Variants in AFAP1L2 observed in about 807,000 individuals in gnomAD.
The protein encoded by AFAP1L2 is actin filament associated protein 1 like 2, also known as actin filament-associated protein 1-like 2.
A neutral mutation model predicts 99.3 loss-of-function variants in AFAP1L2; 46 were observed. That is an observed-to-expected ratio of 0.46 (90% CI 0.37 to 0.59). The LOEUF is 0.59. Ranked by LOEUF, AFAP1L2 falls within the 20% of genes least tolerant of loss-of-function variation. The pLI is 0.00. For missense variants in AFAP1L2, 959 were observed against 1,034.9 expected (o/e 0.93, Z 1.01); for synonymous variants, 397 against 419.1 (o/e 0.95, Z 0.64).
At chr10:114,334,542 C>T (rs1371531823) in intron 2 of AFAP1L2, among the ~76,000 whole-genome samples, 5 of 152,156 alleles carry the variant, frequency 3.3e-5, no homozygotes, top group South Asian at 2.1e-4. Flanking sequence ...AGCAGGGACC[C>T]GAGAGCCAAG....
At chr10:114,308,605 C>A (rs2042766736) in intron 8 of AFAP1L2, 88 bp from the exon 9 acceptor site, 1 of 1,228,928 alleles carries the variant, frequency 8.1e-7, no homozygotes, top group Non-Finnish European at 1.2e-6. Context: ...ATAGATGGCT[C>A]TTGGTTGTAT....
the AFAP1L2 span, chr10:114,286,358 C>A: frequency 1.9e-6 from 3 of 1,613,762 alleles, no homozygotes; most frequent in Non-Finnish European, 2.5e-6. Context: ...GGCGCGAGAG[C>A]TGCTCCTGCT....
At chr10:114,363,242 A>T (rs2052700465) in intron 1 of AFAP1L2, 1 of 928,602 alleles carries the variant, frequency 1.1e-6, no homozygotes, top group Non-Finnish European at 1.3e-6. Flanking sequence ...CATCTCTTGG[A>T]TGGTCCTTGA....
the AFAP1L2 span, chr10:114,282,553 T>C: frequency 1.2e-6 from 2 of 1,614,098 alleles, no homozygotes; most frequent in Admixed American, 1.7e-5. Flanking sequence ...TGCCACCTGC[T>C]ACAGGACCAC....
intron 1 of AFAP1L2, among the ~76,000 whole-genome samples, chr10:114,396,241 A>G (rs2057705751): frequency 6.6e-6 from 1 of 152,180 alleles, no homozygotes; most frequent in Non-Finnish European, 1.5e-5. Flanking sequence ...CCAGCTTCCC[A>G]GGGTACAGAG....
intron 1 of AFAP1L2, among the ~76,000 whole-genome samples, chr10:114,385,127 T>G (rs1280980197): frequency 6.6e-6 from 1 of 150,740 alleles, no homozygotes; most frequent in Non-Finnish European, 1.5e-5. Context: ...ATCGGGAAGG[T>G]GAAGGGATGG....
Position 114,300,299 on chromosome 10 carries a change from C to T in AFAP1L2, c.1852G>A (p.Glu618Lys), listed in dbSNP as rs746522321. The T allele has an allele frequency of 6.2e-7, 1 of 1,614,046 alleles. No homozygotes were observed. The highest frequency in any genetic ancestry group is 1.3e-5 in the African/African-American group (1 of 74,924). Residue 618 changes from glutamate (E) to lysine (K), a missense_variant, in exon 15 of 19, where the codon GAA becomes AAA. Coordinates refer to ENST00000304129, the MANE Select transcript of AFAP1L2 (RefSeq NM_001001936.3). ...GGTGGGAAGGAGATTCTCTGCTGTT[C>T]CGTCTGGATTTTGACGGTGGTGATT... ...LRITTVKIQTEQQRISFPPSC... is the reference protein window; with the variant it reads ...LRITTVKIQTKQQRISFPPSC...
intron 1 of AFAP1L2, among the ~76,000 whole-genome samples, chr10:114,355,560 A>AG (rs1554933416): frequency 9.2e-5 from 14 of 151,854 alleles, no homozygotes; most frequent in Admixed American, 1.3e-4. Context: ...AAAAAAAAAA[A>AG]GTTTTGCTGA....
At position 114,313,886 on chromosome 10, in the gene AFAP1L2, A is replaced by T. The variant is rs1484187530; in HGVS notation, c.777T>A (p.Ala259=). 6.2e-7 allele frequency: 1 copy of T among 1,610,518 alleles called. No homozygotes were observed. The highest frequency in any genetic ancestry group is 1.3e-5 in the African/African-American group (1 of 74,902). Residue 259 remains alanine, a synonymous_variant, in exon 7 of 19, where the codon GCT becomes GCA. Transcript: ENST00000304129. Reference sequence around the variant, plus strand: ...TCGCCCTCACCCTGAGCCACTGCTCAGCCTGGTCCTTGCTCTGCAGGCCCA... The same window carrying T: ...TCGCCCTCACCCTGAGCCACTGCTCTGCCTGGTCCTTGCTCTGCAGGCCCA... The part of the protein sequence containing the change: ...IVLGLQSKDQ[A]EQWLRVIQEV...
At chr10:114,382,839 C>T (rs2055878982) in intron 1 of AFAP1L2, among the ~76,000 whole-genome samples, 1 of 152,090 alleles carries the variant, frequency 6.6e-6, no homozygotes, top group Non-Finnish European at 1.5e-5. Flanking sequence ...AGGTGATCCG[C>T]TCGCCTCAGC....
At chr10:114,379,212 CAA>C (rs35288351) in intron 1 of AFAP1L2, among the ~76,000 whole-genome samples, 34,592 of 142,872 alleles carry the variant, frequency 0.24, 4,464 homozygotes, top group African/African-American at 0.37. Flanking sequence ...GACTCTGTCT[CAA>C]AAAAAAAAAA....
At position 114,296,968 on chromosome 10, in the gene AFAP1L2, G is replaced by A; in HGVS notation, c.2430+10C>T. 1.2e-6 allele frequency: 2 copies of A among 1,614,066 alleles called. No homozygotes were observed. Among genetic ancestry groups the A allele is most frequent in the Non-Finnish European group, 1.7e-6 (2 of 1,180,006 alleles). On this transcript the variant is annotated intron_variant, in intron 18 of 18. Coordinates refer to ENST00000304129, the MANE Select transcript of AFAP1L2 (RefSeq NM_001001936.3). The stretch of plus-strand genomic sequence containing the variant: ...GCTGGCCCCAAGGGAGGCTGGGAGT[G>A]ACTGCTTACCTTGGCTTTCTGGAGT...
intron 1 of AFAP1L2, among the ~76,000 whole-genome samples, chr10:114,398,055 C>T (rs755409797): frequency 1.3e-5 from 2 of 152,212 alleles, no homozygotes; most frequent in Non-Finnish European, 2.9e-5. Context: ...TCCAATGCAA[C>T]GCGTCCAGGG....
At chr10:114,395,350 G>T (rs1245976606) in intron 1 of AFAP1L2, among the ~76,000 whole-genome samples, 1 of 152,182 alleles carries the variant, frequency 6.6e-6, no homozygotes, top group Non-Finnish European at 1.5e-5. Context: ...CCAAGACCAT[G>T]AAGATGGCCC....
rs189890642 is a variant in AFAP1L2 at position 114,313,856 on chromosome 10, C to T, written c.792+15G>A. On this transcript the variant is annotated intron_variant, in intron 7 of 18. Coordinates refer to ENST00000304129, the MANE Select transcript of AFAP1L2 (RefSeq NM_001001936.3). ...ACTCTAGGAACCCCTCCAAGTGGCT[C>T]GGTGTCGCCCTCACCCTGAGCCACT... 8.5e-5 allele frequency: 135 copies of T among 1,580,216 alleles called. No homozygotes were observed. The highest frequency in any genetic ancestry group is 1.1e-4 in the Non-Finnish European group (129 of 1,160,418).
intron 16 of AFAP1L2, among the ~76,000 whole-genome samples, chr10:114,299,048 C>T (rs373671361): frequency 6.8e-4 from 103 of 152,318 alleles, no homozygotes; most frequent in South Asian, 1.7e-3. Flanking sequence ...ATTGATGTTC[C>T]GTCAGAGGCT....
chr10:114,324,701 G>A (rs1186797623), intron 4 of AFAP1L2, among the ~76,000 whole-genome samples: 1 of 152,266 alleles, frequency 6.6e-6, no homozygotes, highest in East Asian at 1.9e-4. Context: ...GGGCCTTCAA[G>A]GAGGCTCCAC....
At chr10:114,384,821 C>T (rs967987576) in intron 1 of AFAP1L2, among the ~76,000 whole-genome samples, 1 of 152,192 alleles carries the variant, frequency 6.6e-6, no homozygotes, top group Non-Finnish European at 1.5e-5. Flanking sequence ...GTGCGGGGCC[C>T]ACACACTCAG....
At chr10:114,315,838 G>C in intron 5 of AFAP1L2, 73 bp from the exon 6 acceptor site, 1 of 1,440,296 alleles carries the variant, frequency 6.9e-7, no homozygotes. Flanking sequence ...GCTGGGGAGG[G>C]CAGCAGGCAG....
Sources: gnomAD v4.1 joint callset for allele counts (sites outside exome capture counted in the v4.1 genomes callset) on GRCh38, gnomAD v4.1.1 for gene constraint, MANE v1.5 for transcripts, NCBI Gene and HGNC (gene_info 2026-07-23, HGNC 2026-07-21) for gene names.